IQGAP2: variants seen among roughly 807,000 people sequenced by gnomAD.
The protein encoded by IQGAP2 is ras GTPase-activating-like protein IQGAP2.
IQGAP2 carries 173 observed loss-of-function variants against 201.3 expected under a neutral mutation model. The observed-to-expected ratio is 0.86, with a 90% CI of 0.76 to 0.98. IQGAP2 has a LOEUF of 0.98. IQGAP2 is among the 50% of genes least tolerant of loss of function. The pLI is 0.00. For synonymous variants in IQGAP2, 675 were observed against 673.9 expected (o/e 1.00, Z -0.03); for missense variants, 1,687 against 1,864.8 (o/e 0.90, Z 1.76).
chr5:76,559,041 C>T (rs932789860), intron 2 of IQGAP2, among the ~76,000 whole-genome samples: 5 of 152,188 alleles, frequency 3.3e-5, no homozygotes, highest in African/African-American at 9.6e-5. Flanking sequence ...GCTGGGACTA[C>T]AGGCGCCCGC....
Position 76,687,178 on chromosome 5 carries a change from G to A in IQGAP2, c.3905+3261G>A, listed in dbSNP as rs139411040. ...GGCTTGAGGCCAGTGTTTTAATAGA[G>A]GCCCTAAGTCTTTTATGCTCAAAGG... On this transcript the variant is annotated intron_variant, in intron 30 of 35. Transcript: ENST00000274364. 7.7e-3 allele frequency among the ~76,000 whole-genome samples: 1,174 copies of A among 152,250 alleles called. 10 individuals are homozygous for A. The highest frequency in any genetic ancestry group is 0.012 in the Non-Finnish European group (798 of 68,014).
chr5:76,545,361 C>T (rs915811852), intron 2 of IQGAP2, among the ~76,000 whole-genome samples: 3 of 152,164 alleles, frequency 2.0e-5, no homozygotes, highest in East Asian at 3.9e-4. Flanking sequence ...CTAGCCTTGC[C>T]AAAGGACCTC....
At chr5:76,661,264 T>C (rs1743225436) in intron 21 of IQGAP2, among the ~76,000 whole-genome samples, 1 of 152,046 alleles carries the variant, frequency 6.6e-6, no homozygotes, top group African/African-American at 2.4e-5. Flanking sequence ...ATCCTCAAAA[T>C]CTGTAGGTCA....
chr5:76,575,908 G>T (rs1443041159), intron 5 of IQGAP2, 139 bp downstream of exon 5: 1 of 456,300 alleles, frequency 2.2e-6, no homozygotes, highest in East Asian at 3.6e-5. Context: ...GGATTTGCTG[G>T]TACAAAATTA....
chr5:76,408,222 A>G (rs898696043), intron 1 of IQGAP2, among the ~76,000 whole-genome samples: 19 of 152,334 alleles, frequency 1.2e-4, no homozygotes, highest in African/African-American at 4.6e-4. Context: ...ATGGTAACCA[A>G]AAGAGAAACA....
chr5:76,701,106 A>G lies in IQGAP2; in HGVS notation c.4398A>G (p.Gly1466=). ...CTCGGAGATCAATTAAACTAGATGGAAAAGGAGAACCCAAAGGGGCGAAGA... is the reference window on the plus strand; with the variant it reads ...CTCGGAGATCAATTAAACTAGATGGGAAAGGAGAACCCAAAGGGGCGAAGA... The part of the protein sequence containing the change: ...KNTRRSIKLD[G]KGEPKGAKRA... The change falls in exon 34 of 36, where the codon GGA becomes GGG. Residue 1466 remains glycine, a synonymous_variant. Coordinates refer to ENST00000274364, the MANE Select transcript of IQGAP2 (RefSeq NM_006633.5). 1 of 1,614,006 alleles carries G rather than the reference A, an allele frequency of 6.2e-7. No homozygotes were observed. Among genetic ancestry groups the G allele is most frequent in the Non-Finnish European group, 8.5e-7 (1 of 1,179,848 alleles).
chr5:76,665,659 C>A (rs1743691749), intron 22 of IQGAP2, among the ~76,000 whole-genome samples: 1 of 152,294 alleles, frequency 6.6e-6, no homozygotes, highest in Non-Finnish European at 1.5e-5. Context: ...TTTGGGATTT[C>A]AAAATAATAT....
chr5:76,548,668 A>G (rs1158467691), intron 2 of IQGAP2, among the ~76,000 whole-genome samples: 1 of 152,140 alleles, frequency 6.6e-6, no homozygotes, highest in Admixed American at 6.5e-5. Flanking sequence ...ATTAAAGGGG[A>G]GTGATATCAA....
chr5:76,651,060 C>T lies in IQGAP2; in HGVS notation c.2095-1690C>T, dbSNP rs946704601. ...AAACTATACCCTTTTGTAGTTTCCTCGAGCTCACACTTCACCATCTATGCT... is the reference window on the plus strand; with the variant it reads ...AAACTATACCCTTTTGTAGTTTCCTTGAGCTCACACTTCACCATCTATGCT... On this transcript the variant is annotated intron_variant, in intron 17 of 35. Coordinates refer to ENST00000274364, the MANE Select transcript of IQGAP2 (RefSeq NM_006633.5). Among the ~76,000 whole-genome samples, 9 of 152,112 alleles carry T rather than the reference C, an allele frequency of 5.9e-5. No homozygotes were observed. The East Asian group carries it at 1.2e-3, about 20-fold the overall frequency.
chr5:76,535,066 A>G (rs369774483), intron 2 of IQGAP2, among the ~76,000 whole-genome samples: 41 of 152,304 alleles, frequency 2.7e-4, no homozygotes, highest in Middle Eastern at 6.8e-3. Flanking sequence ...TAGGGAGTAG[A>G]GTGAGGCCAA....
intron 2 of IQGAP2, among the ~76,000 whole-genome samples, chr5:76,508,004 CAAAAAAAAAA>C (rs35283673): frequency 1.6e-5 from 1 of 63,310 alleles, no homozygotes; most frequent in African/African-American, 6.3e-5. Flanking sequence ...GACTCCTTCT[CAAAAAAAAAA>C]AAAAAAAAAA....
At chr5:76,507,325 T>C (rs561787743) in intron 2 of IQGAP2, among the ~76,000 whole-genome samples, 2 of 152,200 alleles carry the variant, frequency 1.3e-5, no homozygotes, top group East Asian at 3.9e-4. Flanking sequence ...TGCACAAAAA[T>C]GAACCCAGAC....
At chr5:76,472,102 G>C (rs936298168) in intron 2 of IQGAP2, among the ~76,000 whole-genome samples, 38 of 152,284 alleles carry the variant, frequency 2.5e-4, no homozygotes, top group African/African-American at 8.7e-4. Flanking sequence ...GGACCCCCTC[G>C]CAAGTCTGGC....
chr5:76,409,122 AAAC>A (rs143905916), intron 1 of IQGAP2, among the ~76,000 whole-genome samples: 65,412 of 151,574 alleles, frequency 0.43, 14,854 homozygotes, highest in Non-Finnish European at 0.5. Context: ...AACAAACAAA[AAAC>A]AACAACACAA....
At position 76,668,249 on chromosome 5, in the gene IQGAP2, A is replaced by C. The variant is rs547233536; in HGVS notation, c.2680-432A>C. Among the ~76,000 whole-genome samples, 3 of 152,106 alleles carry C rather than the reference A, an allele frequency of 2.0e-5. No individual in the cohort carries two copies. In the South Asian group the frequency reaches 6.2e-4, roughly 32 times the overall value. Reference sequence around the variant, plus strand: ...CCCTGTTTTCTGCGTCTCTACAATAAATATTAATATGTGGTTCAAAAAGGT... The same window carrying C: ...CCCTGTTTTCTGCGTCTCTACAATACATATTAATATGTGGTTCAAAAAGGT... On this transcript the variant is annotated intron_variant, in intron 22 of 35. Coordinates refer to ENST00000274364, the MANE Select transcript of IQGAP2 (RefSeq NM_006633.5).
intron 5 of IQGAP2, among the ~76,000 whole-genome samples, chr5:76,581,507 C>T (rs1282977415): frequency 6.6e-6 from 1 of 152,148 alleles, no homozygotes; most frequent in African/African-American, 2.4e-5. Flanking sequence ...TCTCTCTGTG[C>T]TCTGAACCAT....
At chr5:76,454,245 G>A (rs1049240278) in intron 1 of IQGAP2, among the ~76,000 whole-genome samples, 3 of 152,002 alleles carry the variant, frequency 2.0e-5, no homozygotes, top group Non-Finnish European at 2.9e-5. Context: ...TCCATGGGCT[G>A]CTTTGGGTTT....
chr5:76,641,617 A>G (rs1215937322), intron 17 of IQGAP2, among the ~76,000 whole-genome samples: 6 of 152,112 alleles, frequency 3.9e-5, no homozygotes, highest in African/African-American at 1.4e-4. Flanking sequence ...TTTGCTATAA[A>G]TTGTTCTTAA....
chr5:76,590,040 A>G (rs1372613599), intron 7 of IQGAP2, among the ~76,000 whole-genome samples: 2 of 152,168 alleles, frequency 1.3e-5, no homozygotes, highest in Admixed American at 1.3e-4. Context: ...TTAGTATTGC[A>G]AGCTAAATTG....
Sources: allele counts gnomAD v4.1 joint callset (sites outside exome capture counted in the v4.1 genomes callset), GRCh38; gene constraint gnomAD v4.1.1; transcripts MANE v1.5; gene names NCBI Gene and HGNC (gene_info 2026-07-23, HGNC 2026-07-21).